The following CARM1 variants were observed in gnomAD, a reference collection of about 807,000 sequenced individuals.
The protein encoded by CARM1 is coactivator associated arginine methyltransferase 1, also known as histone-arginine methyltransferase CARM1.
CARM1 carries 14 observed loss-of-function variants against 72.7 expected under a neutral mutation model. That is an observed-to-expected ratio of 0.19 (90% CI 0.13 to 0.30). CARM1 has a LOEUF of 0.30. Among genes scored for constraint, CARM1 ranks in the 10% least tolerant of loss-of-function variants. The pLI is 1.00. For missense variants in CARM1, 432 were observed against 833.7 expected, an observed-to-expected ratio of 0.52 and a Z score of 5.93; for synonymous variants, 333 against 345.5, an observed-to-expected ratio of 0.96 and a Z score of 0.40.
Position 10,921,957 on chromosome 19 carries a change from T to C in CARM1, c.*200T>C, listed in dbSNP as rs1420433468. 9 of 535,994 alleles carry C rather than the reference T, an allele frequency of 1.7e-5. No individual in the cohort carries two copies. In the Admixed American group the frequency reaches 2.5e-4, roughly 15 times the overall value. 33.2% of individuals were successfully genotyped at this position (535,994 alleles called of 1,614,324 possible). ...CCCCCACCTCCCGGCCCTGAGCGTG[T>C]GTCGCTGCCATATTTTACACAAAAT... On this transcript the variant is annotated 3_prime_UTR_variant, in exon 16 of 16. Coordinates refer to ENST00000327064, the MANE Select transcript of CARM1 (RefSeq NM_199141.2).
chr19:10,893,719 C>T (rs1389653776), intron 1 of CARM1, among the ~76,000 whole-genome samples: 2 of 152,206 alleles, frequency 1.3e-5, no homozygotes, highest in African/African-American at 4.8e-5. Context: ...CCCTGCCAGA[C>T]TCTGCTGCAT....
chr19:10,910,342 G>A (rs1300444976), intron 4 of CARM1, among the ~76,000 whole-genome samples: 2 of 151,622 alleles, frequency 1.3e-5, no homozygotes, highest in South Asian at 2.1e-4. Flanking sequence ...TTAGCTGGGC[G>A]TGGTGGCAGG....
rs116117900 is a variant in CARM1 at position 10,887,608 on chromosome 19, A to T, written c.220+15686A>T. ...CTTTCCTTATTCTTTATTTTTTTTT[A>T]AATGTTTTACTTTTTGTAGAAGCAG... On this transcript the variant is annotated intron_variant, in intron 1 of 15. Transcript: ENST00000327064. Among the ~76,000 whole-genome samples the T allele has an allele frequency of 2.5e-3, 376 of 151,754 alleles. 3 individuals are homozygous for T. Among genetic ancestry groups the T allele is most frequent in the African/African-American group, 8.5e-3 (351 of 41,416 alleles).
At chr19:10,910,228 G>C (rs1304690814) in intron 4 of CARM1, among the ~76,000 whole-genome samples, 1 of 152,248 alleles carries the variant, frequency 6.6e-6, no homozygotes, top group African/African-American at 2.4e-5. Flanking sequence ...TGTAATCCCA[G>C]CACTTTGGGA....
intron 1 of CARM1, among the ~76,000 whole-genome samples, chr19:10,882,682 T>C (rs2073911021): frequency 6.6e-6 from 1 of 151,902 alleles, no homozygotes; most frequent in Admixed American, 6.6e-5. Context: ...TCTGGGACTA[T>C]AGGCATGTGA....
rs1386361010 is a variant in CARM1, at chr19:10,922,455, C to T, written c.*698C>T. On this transcript the variant is annotated 3_prime_UTR_variant, in exon 16 of 16. Transcript: ENST00000327064. ...TTGCTGCTGTCCTGTCCCCGAGCCC[C>T]TGCAGGTCCCCCCCCGCCCCCCCAC... The T allele has an allele frequency of 6.6e-6, 1 of 152,240 alleles. No individual in the cohort carries two copies. Among genetic ancestry groups the T allele is most frequent in the Non-Finnish European group, 1.5e-5 (1 of 68,056 alleles). The allele number at this position is 152,240 out of a possible 1,614,324, so 9.4% of individuals were successfully genotyped here. A position where few individuals can be genotyped will look rare whatever the true frequency, so the allele number is the denominator to read the frequency against.
At chr19:10,906,919 T>C (rs2074109506) in intron 2 of CARM1, among the ~76,000 whole-genome samples, 1 of 147,232 alleles carries the variant, frequency 6.8e-6, no homozygotes, top group Non-Finnish European at 1.5e-5. Flanking sequence ...TATTTTATTT[T>C]ATTTTGAGAC....
intron 2 of CARM1, among the ~76,000 whole-genome samples, chr19:10,905,631 C>T (rs2074097366): frequency 6.6e-6 from 1 of 152,124 alleles, no homozygotes; most frequent in Non-Finnish European, 1.5e-5. Context: ...TTACCAGAGA[C>T]CTGAAGTGAG....
intron 1 of CARM1, among the ~76,000 whole-genome samples, chr19:10,874,060 A>G: frequency 6.6e-6 from 1 of 152,174 alleles, no homozygotes; most frequent in East Asian, 1.9e-4. Context: ...GATACTCTTG[A>G]AAGTATTACT....
intron 1 of CARM1, among the ~76,000 whole-genome samples, chr19:10,883,103 G>A (rs564384309): frequency 3.9e-5 from 6 of 152,262 alleles, no homozygotes; most frequent in Non-Finnish European, 5.9e-5. Context: ...GGCTGCAGGC[G>A]GTCCTGATTA....
rs2074200837 is a variant in CARM1, at chr19:10,916,822, TGCTGTGCA to T, written c.1020+56_1020+63del. On this transcript the variant is annotated intron_variant, in intron 8 of 15. Coordinates refer to ENST00000327064, the MANE Select transcript of CARM1 (RefSeq NM_199141.2). The surrounding 1 kb of genome is among the most constrained non-coding windows in gnomAD (Gnocchi z 4.4). The stretch of plus-strand genomic sequence containing the variant: ...TACTGCTGCAGTGATCACTTGCCAT[TGCTGTGCA>T]GCTGTGCAGCCCTCAGGAAGCTACA... 7.2e-7 allele frequency: 1 copy of T among 1,393,234 alleles called. No individual in the cohort carries two copies. Among genetic ancestry groups the T allele is most frequent in the Non-Finnish European group, 9.9e-7 (1 of 1,006,058 alleles). 86.3% of individuals were successfully genotyped at this position (1,393,234 alleles called of 1,614,324 possible). A position where few individuals can be genotyped will look rare whatever the true frequency, so the allele number is the denominator to read the frequency against.
In CARM1 at chr19:10,891,021, G is replaced by T. The variant is rs534443118; in HGVS notation, c.221-13930G>T. Among the ~76,000 whole-genome samples the T allele has an allele frequency of 6.6e-5, 10 of 151,388 alleles. No individual in the cohort carries two copies. The South Asian group carries it at 1.7e-3, about 25-fold the overall frequency. ...GTGAAGCTGATTCTCTGTCAGCCAC[G>T]TGCCAGATGGGTTGGGTCCCAGGGG... On this transcript the variant is annotated intron_variant, in intron 1 of 15. Transcript: ENST00000327064.
At chr19:10,898,589 G>C (rs76541227) in intron 1 of CARM1, among the ~76,000 whole-genome samples, 7,029 of 152,346 alleles carry the variant, frequency 0.046, 192 homozygotes, top group Middle Eastern at 0.085. Flanking sequence ...CCAGCTGAAT[G>C]GCCGCTTTGG....
At chr19:10,913,607 A>G (rs2074171619) in intron 5 of CARM1, among the ~76,000 whole-genome samples, 1 of 151,740 alleles carries the variant, frequency 6.6e-6, no homozygotes, top group African/African-American at 2.4e-5. Context: ...CATGTTGGTC[A>G]GGCTAGTCTC....
chr19:10,875,569 C>T (rs192898119), intron 1 of CARM1, among the ~76,000 whole-genome samples: 66 of 152,004 alleles, frequency 4.3e-4, no homozygotes, highest in East Asian at 3.9e-3. Context: ...GGACTACAGG[C>T]GCCCGCCACC....
Position 10,916,287 on chromosome 19 carries a change from A to G in CARM1, c.848-120A>G. The G allele has an allele frequency of 4.5e-6, 3 of 674,122 alleles. No homozygotes were observed. The South Asian group carries it at 5.0e-5, about 11-fold the overall frequency. The allele number at this position is 674,122 out of a possible 1,614,324, so 41.8% of individuals were successfully genotyped here. A position where few individuals can be genotyped will look rare whatever the true frequency, so the allele number is the denominator to read the frequency against. On this transcript the variant is annotated intron_variant, in intron 6 of 15. Coordinates refer to ENST00000327064, the MANE Select transcript of CARM1 (RefSeq NM_199141.2). The surrounding 1 kb of genome is among the most constrained non-coding windows in gnomAD (Gnocchi z 4.4). Reference sequence around the variant, plus strand: ...GTGCCACTGTCACAGGAGTGCAGGAACGAATGGATGACAGGCTGGGAGCAC... The same window carrying G: ...GTGCCACTGTCACAGGAGTGCAGGAGCGAATGGATGACAGGCTGGGAGCAC...
chr19:10,895,166 G>A (rs1406746143), intron 1 of CARM1, among the ~76,000 whole-genome samples: 3 of 152,090 alleles, frequency 2.0e-5, no homozygotes, highest in African/African-American at 4.8e-5. Context: ...GGGCAGTGGC[G>A]TGATTTCTGC....
At chr19:10,894,406 G>A (rs80043599) in intron 1 of CARM1, among the ~76,000 whole-genome samples, 2,073 of 152,176 alleles carry the variant, frequency 0.014, 21 homozygotes, top group Non-Finnish European at 0.017. Context: ...AGTTGGCCAC[G>A]GGGGGTCGGG....
chr19:10,882,545 T>TTTC (rs1272453539), intron 1 of CARM1, among the ~76,000 whole-genome samples: 1 of 146,326 alleles, frequency 6.8e-6, no homozygotes, highest in African/African-American at 2.5e-5. Context: ...TTTTTTTTTT[T>TTTC]TTTTTTTTTT....
Sources: gnomAD v4.1 joint callset for allele counts (sites outside exome capture counted in the v4.1 genomes callset) on GRCh38, gnomAD v4.1.1 for gene constraint, Gnocchi (gnomAD v3.1) non-coding constraint, MANE v1.5 for transcripts, NCBI Gene and HGNC (gene_info 2026-07-23, HGNC 2026-07-21) for gene names.